The following FAT1 variants were observed in gnomAD, a reference collection of about 807,000 sequenced individuals.
The protein encoded by FAT1 is FAT atypical cadherin 1, also known as protocadherin Fat 1.
FAT1 carries 171 observed loss-of-function variants against 329.8 expected under a neutral mutation model. The ratio of observed to expected loss-of-function variants is 0.52; its 90% CI spans 0.46 to 0.59. The LOEUF is 0.59. Ranked by LOEUF, FAT1 falls within the 20% of genes least tolerant of loss-of-function variation. The probability of loss-of-function intolerance (pLI) is 0.00; values close to 1 mark genes in which losing one functional copy is unlikely to be tolerated. For synonymous variants in FAT1, 2,233 were observed against 2,228.6 expected, an observed-to-expected ratio of 1.00 and a Z score of -0.06; for missense variants, 5,672 against 5,774.4, an observed-to-expected ratio of 0.98 and a Z score of 0.57.
chr4:186,688,731 T>C (rs1305101909), intron 2 of FAT1, among the ~76,000 whole-genome samples: 2 of 133,980 alleles, frequency 1.5e-5, no homozygotes, highest in African/African-American at 2.8e-5. Flanking sequence ...AATAAACATA[T>C]TTACTTAAGC....
chr4:186,721,264 A>T (rs750672381), intron 1 of FAT1, among the ~76,000 whole-genome samples: 8 of 135,948 alleles, frequency 5.9e-5, no homozygotes, highest in African/African-American at 1.0e-4. Flanking sequence ...TAAAAAACTT[A>T]AAAGAGTGAA....
intron 24 of FAT1, 146 bp from the exon 25 acceptor site, chr4:186,597,317 C>T (rs964862087): frequency 2.5e-5 from 21 of 855,128 alleles, no homozygotes; most frequent in Admixed American, 2.0e-4. Context: ...AAAAATGTAA[C>T]GTCGACAACC....
At chr4:186,592,849 C>G (rs1050321232) in intron 26 of FAT1, 14 of 439,106 alleles carry the variant, frequency 3.2e-5, no homozygotes, top group African/African-American at 2.6e-4. Context: ...ATTTCTACCT[C>G]AGATTCCAAC....
In FAT1 at chr4:186,614,277, G is replaced by A. The variant is rs1175908395; in HGVS notation, c.9143C>T (p.Thr3048Ile). 8.1e-6 allele frequency: 13 copies of A among 1,602,006 alleles called. No homozygotes were observed. The highest frequency in any genetic ancestry group is 1.8e-5 in the Admixed American group (1 of 56,844). The change falls in exon 12 of 27, where the codon ACA becomes ATA. Residue 3048 changes from threonine to isoleucine, a missense_variant. Transcript: ENST00000441802. ...PGKLIMQISATDADIRSNAEI... is the reference protein window; with the variant it reads ...PGKLIMQISAIDADIRSNAEI... ...AGCGTTAGAGCGGATGTCTGCGTCT[G>A]TAGCAGAGATCTGCATGATCAATTT...
At position 186,663,584 on chromosome 4, in the gene FAT1, G is replaced by T. The variant is rs537428906; in HGVS notation, c.3295C>A (p.Arg1099Ser). 1 of 1,610,004 alleles carries T rather than the reference G, an allele frequency of 6.2e-7. No homozygotes were observed. Among genetic ancestry groups the T allele is most frequent in the Non-Finnish European group, 8.5e-7 (1 of 1,179,666 alleles). The change falls in exon 3 of 27, where the codon CGT (arginine) becomes AGT (serine). Residue 1099 changes from arginine (R) to serine (S), a missense_variant. Physicochemically the swap from Arg to Ser is moderately radical, Grantham distance 110. Coordinates refer to ENST00000441802, the MANE Select transcript of FAT1 (RefSeq NM_005245.4). ...GVIETSDRLD[R>S]ESTSHYWLTV... ...AGCCAATAATGGGAGGTCGATTCAC[G>T]GTCCAGTCGATCTGACGTCTCTATG...
intron 3 of FAT1, among the ~76,000 whole-genome samples, chr4:186,656,383 G>C (rs1426519911): frequency 6.6e-6 from 1 of 152,238 alleles, no homozygotes; most frequent in Non-Finnish European, 1.5e-5. Context: ...CAGAAAATAA[G>C]AAAAGAGAGT....
At chr4:186,641,052 T>C (rs1741067618) in intron 3 of FAT1, among the ~76,000 whole-genome samples, 2 of 152,396 alleles carry the variant, frequency 1.3e-5, no homozygotes, top group Middle Eastern at 3.4e-3. Flanking sequence ...TAATCTTTAC[T>C]AATTTCACAG....
In FAT1 at chr4:186,707,266, G is replaced by T. The variant is rs375036192; in HGVS notation, c.2562C>A (p.Asn854Lys). 6.8e-6 allele frequency: 11 copies of T among 1,613,816 alleles called. No individual in the cohort carries two copies. In the African/African-American group the frequency reaches 1.5e-4, roughly 22 times the overall value. ...VEATDKDLGP[N>K]GHVTYSIVTD... is the part of the protein sequence containing the mutation. Reference sequence around the variant, plus strand: ...TAACAATTGAGTACGTCACGTGTCCGTTGGGCCCCAGGTCTTTATCTGTGG... The same window carrying T: ...TAACAATTGAGTACGTCACGTGTCCTTTGGGCCCCAGGTCTTTATCTGTGG... Residue 854 changes from asparagine (N) to lysine (K), a missense_variant, in exon 2 of 27, where the codon AAC (asparagine) becomes AAA (lysine). Physicochemically the swap from Asn to Lys is moderately conservative, Grantham distance 94. Around this residue, in one of 2 missense-constraint regions of FAT1, gnomAD observed 3,966 missense variants for 3,915.2 expected, o/e 1.01. Coordinates refer to ENST00000441802, the MANE Select transcript of FAT1 (RefSeq NM_005245.4).
rs747681454 is a variant in FAT1 at position 186,709,196 on chromosome 4, T to C, written c.632A>G (p.Asp211Gly). 9 of 1,612,178 alleles carry C rather than the reference T, an allele frequency of 5.6e-6. No individual in the cohort carries two copies. Among genetic ancestry groups the C allele is most frequent in the Non-Finnish European group, 7.6e-6 (9 of 1,178,370 alleles). ...SGVIVLTGRLDYLETKLYEME... is the reference protein window; with the variant it reads ...SGVIVLTGRLGYLETKLYEME... The stretch of plus-strand genomic sequence containing the variant: ...CTCATAGAGCTTGGTCTCTAGGTAA[T>C]CAAGTCTACCAGTTAACACTATCAC... The change falls in exon 2 of 27, where the codon GAT becomes GGT. Residue 211 changes from aspartate to glycine, a missense_variant. Coordinates refer to ENST00000441802, the MANE Select transcript of FAT1 (RefSeq NM_005245.4).
In FAT1 at chr4:186,707,040, G is replaced by A. The variant is rs777211440; in HGVS notation, c.2788C>T (p.Pro930Ser). Residue 930 changes from proline to serine, a missense_variant, in exon 2 of 27, where the codon CCT (proline) becomes TCT (serine). Around this residue, in one of 2 missense-constraint regions of FAT1, gnomAD observed 3,966 missense variants for 3,915.2 expected, o/e 1.01. Transcript: ENST00000441802. ...VNDNPPTFIP[P>S]NYRVKVREDL... ...TCTCGGACTTTCACACGATAATTAG[G>A]TGGAATAAATGTAGGTGGGTTGTCA... The A allele has an allele frequency of 1.4e-5, 22 of 1,613,834 alleles. No homozygotes were observed. Among genetic ancestry groups the A allele is most frequent in the Admixed American group, 1.0e-4 (6 of 59,996 alleles).
At chr4:186,640,195 GAAGA>G (rs1447841652) in intron 3 of FAT1, among the ~76,000 whole-genome samples, 1 of 152,054 alleles carries the variant, frequency 6.6e-6, no homozygotes, top group Non-Finnish European at 1.5e-5. Flanking sequence ...AAGAAAAAAA[GAAGA>G]AAGAAATTTC....
chr4:186,692,693 T>C (rs1255086432), intron 2 of FAT1, among the ~76,000 whole-genome samples: 1 of 151,950 alleles, frequency 6.6e-6, no homozygotes, highest in Admixed American at 6.6e-5. Context: ...TATTCTCTCC[T>C]CATTTCGGTG....
intron 2 of FAT1, among the ~76,000 whole-genome samples, chr4:186,695,201 C>A (rs1743965842): frequency 6.6e-6 from 1 of 152,168 alleles, no homozygotes; most frequent in Non-Finnish European, 1.5e-5. Context: ...GCAATGGATA[C>A]TCATCTTTTA....
At chr4:186,700,596 C>A (rs772763529) in intron 2 of FAT1, among the ~76,000 whole-genome samples, 4 of 152,178 alleles carry the variant, frequency 2.6e-5, no homozygotes, top group Non-Finnish European at 5.9e-5. Context: ...CAGCTTAGCA[C>A]AGAAACCCAC....
At chr4:186,622,204 G>A (rs1309291986) in intron 9 of FAT1, among the ~76,000 whole-genome samples, 12 of 152,168 alleles carry the variant, frequency 7.9e-5, no homozygotes, top group Admixed American at 3.3e-4. Context: ...TATTCATTAC[G>A]AAAGATTTCG....
At chr4:186,656,246 G>A (rs1399563609) in intron 3 of FAT1, among the ~76,000 whole-genome samples, 1 of 152,158 alleles carries the variant, frequency 6.6e-6, no homozygotes, top group Non-Finnish European at 1.5e-5. Flanking sequence ...GTGTGGAGTG[G>A]GACTCTGGAC....
chr4:186,616,577 C>T (rs1213663345), intron 11 of FAT1, among the ~76,000 whole-genome samples: 1 of 151,956 alleles, frequency 6.6e-6, no homozygotes, highest in African/African-American at 2.4e-5. Context: ...AATGGTGAGC[C>T]GCGCAGATGC....
At chr4:186,640,943 C>T (rs6820775) in intron 3 of FAT1, among the ~76,000 whole-genome samples, 24,035 of 152,134 alleles carry the variant, frequency 0.16, 2,073 homozygotes, top group East Asian at 0.38. Flanking sequence ...CAGGGCTGAA[C>T]GTTCTCCTCC....
chr4:186,706,354 T>C (rs1309503491), intron 2 of FAT1, among the ~76,000 whole-genome samples: 2 of 152,122 alleles, frequency 1.3e-5, no homozygotes, highest in Non-Finnish European at 2.9e-5. Context: ...CTTAAATCAC[T>C]CAGGCCCTTT....
Sources: gnomAD v4.1 joint callset for allele counts (sites outside exome capture counted in the v4.1 genomes callset) on GRCh38, gnomAD v4.1.1 for gene constraint, gnomAD v4.1.1 regional missense constraint, MANE v1.5 for transcripts, NCBI Gene and HGNC (gene_info 2026-07-23, HGNC 2026-07-21) for gene names.